EYA1: variants seen among roughly 807,000 people sequenced by gnomAD.
The protein encoded by EYA1 is protein phosphatase EYA1.
A neutral mutation model predicts 82.0 loss-of-function variants in EYA1; 16 were observed. The ratio of observed to expected loss-of-function variants is 0.20; its 90% CI spans 0.13 to 0.30. EYA1 has a LOEUF of 0.30. Ranked by LOEUF, EYA1 falls within the 10% of genes least tolerant of loss-of-function variation. EYA1 has a pLI of 1.00. For synonymous variants in EYA1, 261 were observed against 264.4 expected, an observed-to-expected ratio of 0.99 and a Z score of 0.12; for missense variants, 633 against 730.7, an observed-to-expected ratio of 0.87 and a Z score of 1.54.
chr8:71,242,247 C>A (rs1183340467), intron 12 of EYA1, among the ~76,000 whole-genome samples: 2 of 151,998 alleles, frequency 1.3e-5, no homozygotes, highest in Non-Finnish European at 2.9e-5. Context: ...AAGTAAAAAA[C>A]CAATTTATTT....
At chr8:71,481,769 T>A (rs1364651159) in intron 2 of EYA1, among the ~76,000 whole-genome samples, 1 of 152,108 alleles carries the variant, frequency 6.6e-6, no homozygotes, top group South Asian at 2.1e-4. Context: ...AGTTGCTATA[T>A]GGGAAATTGA....
At chr8:71,394,645 G>A (rs1279061913) in intron 2 of EYA1, among the ~76,000 whole-genome samples, 1 of 152,034 alleles carries the variant, frequency 6.6e-6, no homozygotes, top group Non-Finnish European at 1.5e-5. Context: ...TGTTCTATTG[G>A]TCTATATATC....
At chr8:71,228,246 G>T (rs1335106320) in intron 12 of EYA1, among the ~76,000 whole-genome samples, 1 of 152,108 alleles carries the variant, frequency 6.6e-6, no homozygotes, top group African/African-American at 2.4e-5. Context: ...GTATCCGTGG[G>T]TCTGAAATTC....
At chr8:71,451,025 C>T (rs576002183) in intron 2 of EYA1, among the ~76,000 whole-genome samples, 81 of 152,232 alleles carry the variant, frequency 5.3e-4, no homozygotes, top group African/African-American at 1.7e-3. Context: ...ATGCACACTA[C>T]GATACTATTA....
At chr8:71,394,671 A>T (rs571098228) in intron 2 of EYA1, among the ~76,000 whole-genome samples, 15 of 152,256 alleles carry the variant, frequency 9.9e-5, no homozygotes, top group South Asian at 2.1e-4. Flanking sequence ...TGGTACCAGT[A>T]CCATGCTGGT....
chr8:71,446,279 G>A (rs1015924014), intron 2 of EYA1, among the ~76,000 whole-genome samples: 1 of 152,030 alleles, frequency 6.6e-6, no homozygotes, highest in African/African-American at 2.4e-5. Flanking sequence ...TATCATGGGG[G>A]TGGTTTCCCC....
chr8:71,235,533 C>T (rs896758515), intron 12 of EYA1, among the ~76,000 whole-genome samples: 2 of 152,138 alleles, frequency 1.3e-5, no homozygotes, highest in Non-Finnish European at 2.9e-5. Flanking sequence ...AACAATGCCC[C>T]ACTCCAATTC....
At chr8:71,448,542 A>G (rs1433297717) in intron 2 of EYA1, among the ~76,000 whole-genome samples, 1 of 151,906 alleles carries the variant, frequency 6.6e-6, no homozygotes, top group African/African-American at 2.4e-5. Context: ...CTTTTCCCAA[A>G]CTCCTGTTAA....
chr8:71,242,634 C>T (rs1475659518), intron 12 of EYA1, among the ~76,000 whole-genome samples: 2 of 151,988 alleles, frequency 1.3e-5, no homozygotes, highest in East Asian at 1.9e-4. Context: ...GTGTAAATAA[C>T]GTCAATAAAC....
intron 2 of EYA1, among the ~76,000 whole-genome samples, chr8:71,380,210 A>T (rs78402777): frequency 0.018 from 2,702 of 152,286 alleles, 76 homozygotes; most frequent in African/African-American, 0.059. Context: ...GATCTATAAC[A>T]TTTATGTATT....
chr8:71,521,418 A>G (rs917088499), intron 2 of EYA1, among the ~76,000 whole-genome samples: 1 of 152,130 alleles, frequency 6.6e-6, no homozygotes, highest in Non-Finnish European at 1.5e-5. Flanking sequence ...GGAATTATAA[A>G]TTATTTCCCA....
rs148843972 is a variant in EYA1, at chr8:71,303,425, C to T, written c.557-3705G>A. Among the ~76,000 whole-genome samples the T allele has an allele frequency of 4.7e-3, 674 of 142,320 alleles. 39 individuals carry two copies. The highest frequency in any genetic ancestry group is 0.016 in the African/African-American group (648 of 40,328). The allele number at this position is 142,320 out of a possible 152,430, so 93.4% of individuals were successfully genotyped here. On this transcript the variant is annotated intron_variant, in intron 7 of 17. Coordinates refer to ENST00000340726, the MANE Select transcript of EYA1 (RefSeq NM_000503.6). ...CTAATTATATGTAAACTAGTCCTTCCCCTACAAAACAACTAAAAAAACTTC... is the reference window on the plus strand; with the variant it reads ...CTAATTATATGTAAACTAGTCCTTCTCCTACAAAACAACTAAAAAAACTTC...
chr8:71,250,382 GC>G (rs1813606542), intron 11 of EYA1, among the ~76,000 whole-genome samples: 1 of 152,120 alleles, frequency 6.6e-6, no homozygotes, highest in Non-Finnish European at 1.5e-5. Context: ...ATCCCTACAG[GC>G]AGCGCTCCCC....
intron 7 of EYA1, among the ~76,000 whole-genome samples, chr8:71,315,817 T>C (rs539588335): frequency 6.6e-6 from 1 of 152,354 alleles, no homozygotes; most frequent in East Asian, 1.9e-4. Context: ...CTTCTACCAA[T>C]AAATGCTATC....
intron 2 of EYA1, among the ~76,000 whole-genome samples, chr8:71,377,236 T>C (rs1828426173): frequency 6.6e-6 from 1 of 152,196 alleles, no homozygotes; most frequent in South Asian, 2.1e-4. Context: ...CCAAGCTATC[T>C]ATGTGGTGGA....
At chr8:71,211,942 C>T (rs1285860259) in intron 16 of EYA1, among the ~76,000 whole-genome samples, 1 of 152,188 alleles carries the variant, frequency 6.6e-6, no homozygotes, top group Non-Finnish European at 1.5e-5. Context: ...TGGAGGAAAA[C>T]TGGAATAAAG....
chr8:71,427,882 T>C (rs1238958253), intron 2 of EYA1, among the ~76,000 whole-genome samples: 2 of 151,162 alleles, frequency 1.3e-5, no homozygotes, highest in African/African-American at 2.4e-5. Flanking sequence ...TAGCCTGGTG[T>C]GGTGGAAGGG....
At chr8:71,292,956 A>C (rs28398237) in intron 9 of EYA1, among the ~76,000 whole-genome samples, 13,907 of 152,088 alleles carry the variant, frequency 0.091, 1,085 homozygotes, top group East Asian at 0.43. Flanking sequence ...AAATCAGAGA[A>C]GTTAATAAAA....
chr8:71,341,748 G>A (rs1325691988), intron 3 of EYA1, among the ~76,000 whole-genome samples: 2 of 152,030 alleles, frequency 1.3e-5, no homozygotes, highest in Non-Finnish European at 2.9e-5. Context: ...AAGGAGGGCA[G>A]GAAAAAACAT....
Sources: gnomAD v4.1 joint callset for allele counts (sites outside exome capture counted in the v4.1 genomes callset) on GRCh38, gnomAD v4.1.1 for gene constraint, MANE v1.5 for transcripts, NCBI Gene and HGNC (gene_info 2026-07-23, HGNC 2026-07-21) for gene names.